NEK11: variants seen among roughly 807,000 people sequenced by gnomAD.
NEK11 encodes NIMA related kinase 11.
In NEK11, 72 loss-of-function variants were observed where a neutral mutation model predicts 80.7. The observed-to-expected ratio is 0.89, with a 90% CI of 0.74 to 1.08. The LOEUF is 1.08. Ranked by LOEUF, NEK11 falls within the 50% of genes least tolerant of loss-of-function variation. The pLI is 0.00. For synonymous variants in NEK11, 251 were observed against 260.7 expected (o/e 0.96, Z 0.36); for missense variants, 764 against 763.6 (o/e 1.00, Z -0.01).
intron 14 of NEK11, 126 bp downstream of exon 14, chr3:131,171,013 T>C (rs2092654672): frequency 1.3e-6 from 1 of 762,010 alleles, no homozygotes; most frequent in Non-Finnish European, 2.4e-6. Flanking sequence ...ATTATCAGTT[T>C]ACCAGGGCTG....
At chr3:131,151,502 A>G (rs552956455) in intron 7 of NEK11, among the ~76,000 whole-genome samples, 1 of 152,104 alleles carries the variant, frequency 6.6e-6, no homozygotes. Flanking sequence ...TGTATTAAGG[A>G]CATTGTTAAA....
chr3:131,152,414 T>C lies in NEK11; in HGVS notation c.674T>C (p.Met225Thr), dbSNP rs1286485077. 5 of 1,611,880 alleles carry C rather than the reference T, an allele frequency of 3.1e-6. No homozygotes were observed. Among genetic ancestry groups the C allele is most frequent in the Non-Finnish European group, 4.2e-6 (5 of 1,179,180 alleles). ...IWSLACILYE[M>T]CCMNHAFAGS... ...TCACTGGCATGCATTTTGTATGAGA[T>C]GTGCTGCATGAATCATGCATTCGCT... Residue 225 changes from methionine to threonine, a missense_variant, in exon 8 of 18, where the codon ATG (methionine) becomes ACG (threonine). By Grantham distance (81) the Met-to-Thr change is moderately conservative. Coordinates refer to ENST00000383366, the MANE Select transcript of NEK11 (RefSeq NM_024800.5).
At chr3:131,143,017 G>C (rs2087301769) in intron 7 of NEK11, among the ~76,000 whole-genome samples, 1 of 152,106 alleles carries the variant, frequency 6.6e-6, no homozygotes, top group African/African-American at 2.4e-5. Context: ...AATATGATAA[G>C]AGAAATGAGT....
At position 131,349,924 on chromosome 3, in the gene NEK11, T is replaced by C; in HGVS notation, c.*148T>C. The C allele has an allele frequency of 1.6e-6, 1 of 637,030 alleles. No homozygotes were observed. Among genetic ancestry groups the C allele is most frequent in the Non-Finnish European group, 2.7e-6 (1 of 368,110 alleles). 39.5% of individuals were successfully genotyped at this position (637,030 alleles called of 1,614,324 possible). On this transcript the variant is annotated 3_prime_UTR_variant, in exon 18 of 18. Coordinates refer to ENST00000383366, the MANE Select transcript of NEK11 (RefSeq NM_024800.5). Reference sequence around the variant, plus strand: ...ATTCCTCATCAGAAGTACTGGCTTCTTTAGAGAGTAGTAAGCATGGCTGCC... The same window carrying C: ...ATTCCTCATCAGAAGTACTGGCTTCCTTAGAGAGTAGTAAGCATGGCTGCC...
intron 3 of NEK11, among the ~76,000 whole-genome samples, chr3:131,050,988 G>T (rs1394921712): frequency 6.6e-6 from 1 of 152,154 alleles, no homozygotes; most frequent in Non-Finnish European, 1.5e-5. Context: ...AACTAGAATT[G>T]CACCACAGCA....
chr3:131,112,113 G>T (rs184143355), intron 5 of NEK11, among the ~76,000 whole-genome samples: 4 of 152,220 alleles, frequency 2.6e-5, no homozygotes, highest in Admixed American at 2.6e-4. Context: ...CCAACAAAAG[G>T]TATGCAGAAA....
At chr3:131,256,678 G>T (rs933635136) in intron 16 of NEK11, among the ~76,000 whole-genome samples, 1 of 152,080 alleles carries the variant, frequency 6.6e-6, no homozygotes, top group Admixed American at 6.6e-5. Flanking sequence ...TTAGGAGGGC[G>T]TAACTGGATG....
At chr3:131,146,653 C>T (rs2149750270) in intron 7 of NEK11, among the ~76,000 whole-genome samples, 1 of 152,172 alleles carries the variant, frequency 6.6e-6, no homozygotes, top group South Asian at 2.1e-4. Flanking sequence ...ATATTTAGCC[C>T]CTCTTGTTTT....
chr3:131,224,824 G>T (rs1256508985), intron 14 of NEK11, among the ~76,000 whole-genome samples: 1 of 152,074 alleles, frequency 6.6e-6, no homozygotes, highest in Non-Finnish European at 1.5e-5. Flanking sequence ...AAGAAAAAAT[G>T]CTTATTGACT....
At chr3:131,297,646 G>A (rs2109090180) in intron 17 of NEK11, among the ~76,000 whole-genome samples, 1 of 152,142 alleles carries the variant, frequency 6.6e-6, no homozygotes, top group South Asian at 2.1e-4. Flanking sequence ...TTCTTTTGCT[G>A]TGCAGAAGCT....
intron 14 of NEK11, among the ~76,000 whole-genome samples, chr3:131,195,599 C>T (rs1346022931): frequency 2.0e-5 from 3 of 151,720 alleles, no homozygotes; most frequent in African/African-American, 7.3e-5. Flanking sequence ...TATTAGCACC[C>T]GCAGGGCTAC....
chr3:131,192,926 C>T (rs909565890), intron 14 of NEK11, among the ~76,000 whole-genome samples: 1 of 152,138 alleles, frequency 6.6e-6, no homozygotes, highest in Non-Finnish European at 1.5e-5. Context: ...ACTGAATAAA[C>T]TCTAGGTTAG....
chr3:131,298,255 C>T (rs1256732741), intron 17 of NEK11, among the ~76,000 whole-genome samples: 1 of 151,980 alleles, frequency 6.6e-6, no homozygotes, highest in Non-Finnish European at 1.5e-5. Context: ...TTACCTTGGG[C>T]AGTATGGCCA....
chr3:131,296,916 G>T (rs547149555), intron 17 of NEK11, among the ~76,000 whole-genome samples: 2 of 152,028 alleles, frequency 1.3e-5, no homozygotes, highest in East Asian at 1.9e-4. Flanking sequence ...GCCGTGTTTG[G>T]TTTTTTGTTC....
chr3:131,073,652 C>T (rs969161986), intron 3 of NEK11, among the ~76,000 whole-genome samples: 24 of 152,134 alleles, frequency 1.6e-4, no homozygotes, highest in Non-Finnish European at 1.2e-4. Flanking sequence ...CTTTATTTTA[C>T]TTTGTCTAGG....
intron 11 of NEK11, among the ~76,000 whole-genome samples, chr3:131,163,743 C>G (rs2091912223): frequency 6.6e-6 from 1 of 152,050 alleles, no homozygotes; most frequent in Admixed American, 6.6e-5. Context: ...AATTATCCCA[C>G]AATGTATACA....
chr3:131,320,599 A>AT (rs2096887435), intron 17 of NEK11, among the ~76,000 whole-genome samples: 1 of 152,118 alleles, frequency 6.6e-6, no homozygotes, highest in Non-Finnish European at 1.5e-5. Context: ...CCTTTACCAG[A>AT]TTTAAACTCA....
chr3:131,242,050 A>T (rs1482194368), intron 15 of NEK11, among the ~76,000 whole-genome samples: 1 of 152,146 alleles, frequency 6.6e-6, no homozygotes, highest in African/African-American at 2.4e-5. Flanking sequence ...AGGCATTGAT[A>T]GTTATCATGT....
chr3:131,252,328 A>G (rs1399387726), intron 16 of NEK11, among the ~76,000 whole-genome samples: 3 of 152,274 alleles, frequency 2.0e-5, no homozygotes, highest in Middle Eastern at 3.4e-3. Context: ...TTCTACAAAC[A>G]TCTTCAAGAG....
Sources: allele counts gnomAD v4.1 joint callset (sites outside exome capture counted in the v4.1 genomes callset), GRCh38; gene constraint gnomAD v4.1.1; transcripts MANE v1.5; gene names NCBI Gene and HGNC (gene_info 2026-07-23, HGNC 2026-07-21).